FGFR1OP2: variants seen among roughly 807,000 people sequenced by gnomAD.
The protein encoded by FGFR1OP2 is FGFR1 oncogene partner 2.
Under a neutral mutation model 35.2 loss-of-function variants are expected in FGFR1OP2, and 17 were observed. That is an observed-to-expected ratio of 0.48 (90% CI 0.33 to 0.73). FGFR1OP2 has a LOEUF of 0.73. Among genes scored for constraint, FGFR1OP2 ranks in the 30% least tolerant of loss-of-function variants. The probability of loss-of-function intolerance (pLI) is 0.02; values close to 1 mark genes in which losing one functional copy is unlikely to be tolerated. For missense variants in FGFR1OP2, 251 were observed against 307.3 expected, an observed-to-expected ratio of 0.82 and a Z score of 1.37; for synonymous variants, 105 against 104.6, an observed-to-expected ratio of 1.00 and a Z score of -0.03.
At chr12:26,947,014 CCTA>C (rs1938838365) in intron 1 of FGFR1OP2, among the ~76,000 whole-genome samples, 1 of 152,034 alleles carries the variant, frequency 6.6e-6, no homozygotes, top group African/African-American at 2.4e-5. Flanking sequence ...ATCATTCCCC[CCTA>C]CTTTTTTTTT....
Position 26,956,596 on chromosome 12 carries a change from C to T in FGFR1OP2, c.189C>T (p.Ser63=), listed in dbSNP as rs530528495. 6 of 1,603,814 alleles carry T rather than the reference C, an allele frequency of 3.7e-6. No homozygotes were observed. The South Asian group carries it at 6.7e-5, about 18-fold the overall frequency. The stretch of plus-strand genomic sequence containing the variant: ...AAGTCGCGAGACATCGGCCACGGTC[C>T]ACGTTAGTTATGGGAATCCAGCAAG... The part of the protein sequence containing the change: ...LNEVARHRPR[S]TLVMGIQQEN... Residue 63 remains serine (S), a synonymous_variant, in exon 3 of 7, where the codon TCC becomes TCT. Coordinates refer to ENST00000229395, the MANE Select transcript of FGFR1OP2 (RefSeq NM_015633.3).
intron 1 of FGFR1OP2, among the ~76,000 whole-genome samples, chr12:26,950,210 G>GTTTTTTTT (rs1555211390): frequency 6.7e-5 from 2 of 29,744 alleles, no homozygotes; most frequent in Non-Finnish European, 1.1e-4. Context: ...TAATGTATTC[G>GTTTTTTTT]TTGTTTTTTT....
chr12:26,963,431 A>T lies in FGFR1OP2; in HGVS notation c.600A>T (p.Glu200Asp), dbSNP rs1327600032. Residue 200 changes from glutamate to aspartate, a missense_variant, in exon 6 of 7, where the codon GAA becomes GAT. By Grantham distance (45) the Glu-to-Asp change is conservative (BLOSUM62 2). Coordinates refer to ENST00000229395, the MANE Select transcript of FGFR1OP2 (RefSeq NM_015633.3). Reference sequence around the variant, plus strand: ...TTGACGAGCAACAGGGTTGCAAGGAACAAGAACGAATATTTCAACTTGAAG... The same window carrying T: ...TTGACGAGCAACAGGGTTGCAAGGATCAAGAACGAATATTTCAACTTGAAG... ...IEIDEQQGCK[E>D]QERIFQLEQE... 4 of 1,604,892 alleles carry T rather than the reference A, an allele frequency of 2.5e-6. No homozygotes were observed. Among genetic ancestry groups the T allele is most frequent in the South Asian group, 1.1e-5 (1 of 89,806 alleles).
chr12:26,950,462 G>A (rs949043357), intron 1 of FGFR1OP2, among the ~76,000 whole-genome samples: 3 of 151,464 alleles, frequency 2.0e-5, no homozygotes, highest in Non-Finnish European at 2.9e-5. Context: ...TCCTGACCTC[G>A]TGATCCACCC....
chr12:26,951,544 T>A (rs1215026962), intron 1 of FGFR1OP2, among the ~76,000 whole-genome samples: 4 of 152,122 alleles, frequency 2.6e-5, no homozygotes, highest in African/African-American at 9.7e-5. Context: ...GGTCTTGAAC[T>A]CCTGAATTCA....
intron 4 of FGFR1OP2, among the ~76,000 whole-genome samples, chr12:26,958,621 C>T (rs1265687629): frequency 6.6e-6 from 1 of 152,042 alleles, no homozygotes; most frequent in Non-Finnish European, 1.5e-5. Context: ...TATTGTATAC[C>T]AGTTGACATC....
intron 1 of FGFR1OP2, among the ~76,000 whole-genome samples, chr12:26,945,993 T>C (rs1047962412): frequency 9.2e-5 from 14 of 151,708 alleles, no homozygotes; most frequent in African/African-American, 2.7e-4. Context: ...TGTACTCTGC[T>C]GTTGTTGGTT....
chr12:26,951,147 G>T (rs1256660230), intron 1 of FGFR1OP2, among the ~76,000 whole-genome samples: 1 of 146,370 alleles, frequency 6.8e-6, no homozygotes, highest in Non-Finnish European at 1.5e-5. Context: ...TAAGGTATAC[G>T]ATTTTTTTTT....
intron 1 of FGFR1OP2, among the ~76,000 whole-genome samples, chr12:26,944,579 A>G (rs1070769): frequency 0.18 from 27,051 of 152,144 alleles, 2,525 homozygotes; most frequent in Middle Eastern, 0.31. Flanking sequence ...TGGTCAGGGT[A>G]TATTACTCTC....
intron 1 of FGFR1OP2, among the ~76,000 whole-genome samples, chr12:26,946,350 G>C (rs73084627): frequency 0.13 from 19,873 of 152,072 alleles, 1,302 homozygotes; most frequent in South Asian, 0.16. Flanking sequence ...TCACTTTGTT[G>C]CCCAGGCTAA....
At chr12:26,952,156 GTTCT>G (rs1336046887) in intron 1 of FGFR1OP2, among the ~76,000 whole-genome samples, 1 of 141,106 alleles carries the variant, frequency 7.1e-6, no homozygotes, top group Non-Finnish European at 1.5e-5. Flanking sequence ...AGGATCCGAT[GTTCT>G]ATAGTAATGG....
intron 1 of FGFR1OP2, among the ~76,000 whole-genome samples, chr12:26,947,559 T>A (rs864552): frequency 0.083 from 12,567 of 152,152 alleles, 775 homozygotes; most frequent in Middle Eastern, 0.19. Context: ...TTTTTAAATT[T>A]TTTGTAGAGA....
At chr12:26,957,402 TG>T (rs1167714101) in intron 3 of FGFR1OP2, among the ~76,000 whole-genome samples, 198 bp from the exon 4 acceptor site, 3 of 152,234 alleles carry the variant, frequency 2.0e-5, no homozygotes, top group African/African-American at 4.8e-5. Flanking sequence ...TTTGTTGAAA[TG>T]ATTCTCAAGA....
At chr12:26,963,006 A>G (rs553101213) in intron 5 of FGFR1OP2, 15 of 164,966 alleles carry the variant, frequency 9.1e-5, no homozygotes, top group Non-Finnish European at 1.8e-4. Context: ...GGCAATTTTT[A>G]TCATTCCCGT....
Position 26,966,086 on chromosome 12 carries a change from T to C in FGFR1OP2, c.*1353T>C, listed in dbSNP as rs1939173877. On this transcript the variant is annotated 3_prime_UTR_variant, in exon 7 of 7. Transcript: ENST00000229395. ...TTTTATGTATAATTTCATATATTGG[T>C]AAAATTCAAAACTACACTTGAGAAT... The C allele has an allele frequency of 6.6e-6, 1 of 152,122 alleles. No individual in the cohort carries two copies. Among genetic ancestry groups the C allele is most frequent in the Non-Finnish European group, 1.5e-5 (1 of 67,968 alleles). 9.4% of individuals were successfully genotyped at this position (152,122 alleles called of 1,614,324 possible). A position where few individuals can be genotyped will look rare whatever the true frequency, so the allele number is the denominator to read the frequency against.
chr12:26,939,081 T>G (rs990918557), intron 1 of FGFR1OP2, among the ~76,000 whole-genome samples: 3 of 152,244 alleles, frequency 2.0e-5, no homozygotes, highest in Admixed American at 2.0e-4. Flanking sequence ...TTCTTGAAAC[T>G]GCTCTCCAAG....
chr12:26,952,675 C>CT lies in FGFR1OP2; in HGVS notation c.-14-1455dup, dbSNP rs763886345. Reference sequence around the variant, plus strand: ...TAAATTTTCTCTTTGCTACTTGTTGCTTTTTTTTTTTTTTTGTATTGGAGG... The same window carrying CT: ...TAAATTTTCTCTTTGCTACTTGTTGCTTTTTTTTTTTTTTTTGTATTGGAGG... On this transcript the variant is annotated intron_variant, in intron 1 of 6. Transcript: ENST00000229395. Among the ~76,000 whole-genome samples, 886 of 132,486 alleles carry CT rather than the reference C, an allele frequency of 6.7e-3. 5 individuals are homozygous for CT. The highest frequency in any genetic ancestry group is 0.016 in the African/African-American group (562 of 35,930). The allele number at this position is 132,486 out of a possible 152,430, so 86.9% of individuals were successfully genotyped here.
intron 1 of FGFR1OP2, among the ~76,000 whole-genome samples, chr12:26,947,527 A>G (rs975477040): frequency 5.3e-5 from 8 of 152,104 alleles, no homozygotes; most frequent in African/African-American, 1.4e-4. Flanking sequence ...GACTACAGGC[A>G]TGTGCCACCA....
chr12:26,950,662 C>G (rs1321233674), intron 1 of FGFR1OP2, among the ~76,000 whole-genome samples: 2 of 152,152 alleles, frequency 1.3e-5, no homozygotes, highest in Non-Finnish European at 2.9e-5. Flanking sequence ...CTTAGTGGAG[C>G]ACAGTTAAGT....
Sources: gnomAD v4.1 joint callset for allele counts (sites outside exome capture counted in the v4.1 genomes callset) on GRCh38, gnomAD v4.1.1 for gene constraint, MANE v1.5 for transcripts, NCBI Gene and HGNC (gene_info 2026-07-23, HGNC 2026-07-21) for gene names.